The following PLEKHA5 variants were observed in gnomAD, a reference collection of about 807,000 sequenced individuals.
The protein encoded by PLEKHA5 is pleckstrin homology domain-containing family A member 5.
In PLEKHA5, 55 loss-of-function variants were observed where a neutral mutation model predicts 181.9. That is an observed-to-expected ratio of 0.30 (90% CI 0.24 to 0.38). The LOEUF (loss-of-function observed/expected upper bound fraction) is 0.38. Among genes scored for constraint, PLEKHA5 ranks in the 10% least tolerant of loss-of-function variants. The pLI is 1.00. For missense variants in PLEKHA5, 1,432 were observed against 1,549.5 expected (o/e 0.92, Z 1.27); for synonymous variants, 535 against 529.4 (o/e 1.01, Z -0.15).
chr12:19,270,250 A>T (rs745764188), intron 10 of PLEKHA5, 45 bp downstream of exon 10: 3 of 1,044,212 alleles, frequency 2.9e-6, no homozygotes, highest in Non-Finnish European at 4.0e-6. Flanking sequence ...ACAGATTTTT[A>T]TCCTTTGAGA....
At position 19,291,684 on chromosome 12, in the gene PLEKHA5, A is replaced by G; in HGVS notation, c.2024A>G (p.Tyr675Cys). The G allele has an allele frequency of 6.6e-7, 1 of 1,508,136 alleles. No homozygotes were observed. The highest frequency in any genetic ancestry group is 1.2e-5 in the South Asian group (1 of 82,694). 93.4% of individuals were successfully genotyped at this position (1,508,136 alleles called of 1,614,324 possible). Reference sequence around the variant, plus strand: ...CATCATCTCCAAAGGAACACCATATATTTGGATCATCAGGTGGGATTCATA... The same window carrying G: ...CATCATCTCCAAAGGAACACCATATGTTTGGATCATCAGGTGGGATTCATA... ...LSHHLQRNTI[Y>C]LDHQMKENEP... Residue 675 changes from tyrosine to cysteine, a missense_variant, in exon 15 of 32, where the codon TAT (tyrosine) becomes TGT (cysteine). Tyr to Cys is a radical substitution (Grantham distance 194). This residue lies in a region of PLEKHA5 where 1,143 missense variants were observed against 1,168.4 expected (regional missense o/e 0.98). Transcript: ENST00000429027.
intron 15 of PLEKHA5, among the ~76,000 whole-genome samples, chr12:19,297,619 G>A (rs1309682065): frequency 1.4e-5 from 2 of 138,048 alleles, no homozygotes; most frequent in Admixed American, 7.4e-5. Context: ...ACAGAGCGAG[G>A]CTCCGTCTCA....
At chr12:19,247,971 T>C (rs1407607215) in intron 3 of PLEKHA5, among the ~76,000 whole-genome samples, 1 of 151,708 alleles carries the variant, frequency 6.6e-6, no homozygotes, top group Non-Finnish European at 1.5e-5. Context: ...CTTGCTCTGC[T>C]GCCCAGGCTG....
chr12:19,194,151 T>C (rs958719941), intron 3 of PLEKHA5, among the ~76,000 whole-genome samples: 1 of 152,236 alleles, frequency 6.6e-6, no homozygotes, highest in South Asian at 2.1e-4. Context: ...TCTGCTTCCA[T>C]GTGTACACGT....
chr12:19,256,234 C>T (rs373702874), intron 5 of PLEKHA5, among the ~76,000 whole-genome samples: 4 of 152,246 alleles, frequency 2.6e-5, no homozygotes, highest in South Asian at 2.1e-4. Context: ...ACCATTTCCA[C>T]CTGCAGATTT....
chr12:19,158,347 C>T (rs1001587783), intron 3 of PLEKHA5, among the ~76,000 whole-genome samples: 3 of 150,892 alleles, frequency 2.0e-5, no homozygotes, highest in African/African-American at 2.4e-5. Context: ...AGTGAGACTC[C>T]GACTCAAAAA....
intron 3 of PLEKHA5, chr12:19,207,877 A>G (rs549740271): frequency 6.6e-6 from 1 of 152,328 alleles, no homozygotes; most frequent in Non-Finnish European, 1.5e-5. Context: ...AATGAGAAGT[A>G]AAATGTATAA....
intron 30 of PLEKHA5, among the ~76,000 whole-genome samples, chr12:19,369,001 A>T (rs1301308337): frequency 1.3e-5 from 2 of 151,928 alleles, no homozygotes; most frequent in Non-Finnish European, 2.9e-5. Context: ...GAAAAAAAAA[A>T]TGTAAAGTAT....
At chr12:19,187,465 G>C (rs1394782208) in intron 3 of PLEKHA5, among the ~76,000 whole-genome samples, 1 of 152,160 alleles carries the variant, frequency 6.6e-6, no homozygotes, top group South Asian at 2.1e-4. Flanking sequence ...TCTGGGGCTA[G>C]AGGAACTGTT....
intron 8 of PLEKHA5, 150 bp from the exon 9 acceptor site, chr12:19,269,620 G>T: frequency 4.2e-6 from 2 of 476,848 alleles, no homozygotes; most frequent in African/African-American, 2.0e-5. Context: ...ATTTTTTCTT[G>T]ATTCATTTCC....
chr12:19,305,861 C>CAAAAAAAAAAAAAAAAAAAAAAAA lies in PLEKHA5; in HGVS notation c.2038-8930_2038-8929insAAAAAAAAAAAAAAAAAAAAAAAA, dbSNP rs376068601. Among the ~76,000 whole-genome samples, 2 of 37,890 alleles carry CAAAAAAAAAAAAAAAAAAAAAAAA rather than the reference C, an allele frequency of 5.3e-5. 1 individual carries two copies. Among genetic ancestry groups the CAAAAAAAAAAAAAAAAAAAAAAAA allele is most frequent in the Non-Finnish European group, 1.0e-4 (2 of 19,474 alleles). The allele number at this position is 37,890 out of a possible 152,430, so 24.9% of individuals were successfully genotyped here. On this transcript the variant is annotated intron_variant, in intron 15 of 31. Coordinates refer to ENST00000429027, the MANE Select transcript of PLEKHA5 (RefSeq NM_001256470.2). ...GGGCAACAACAGCAAAACTCCATCT[C>CAAAAAAAAAAAAAAAAAAAAAAAA]AAAAAAAAAAAAAAAAAAAAAAACA...
chr12:19,336,728 TGA>T, intron 21 of PLEKHA5, 112 bp downstream of exon 21: 1 of 618,018 alleles, frequency 1.6e-6, no homozygotes, highest in South Asian at 1.8e-5. Context: ...ATTGGCTACC[TGA>T]GACCTGGATT....
At chr12:19,177,581 G>A (rs918007375) in intron 3 of PLEKHA5, among the ~76,000 whole-genome samples, 2 of 152,164 alleles carry the variant, frequency 1.3e-5, no homozygotes, top group South Asian at 4.1e-4. Flanking sequence ...TGTCCTTCGG[G>A]AAGAAGTTTT....
chr12:19,148,813 C>A (rs1191342764), intron 3 of PLEKHA5, among the ~76,000 whole-genome samples: 1 of 152,156 alleles, frequency 6.6e-6, no homozygotes, highest in African/African-American at 2.4e-5. Context: ...AGGAAATCAG[C>A]TAGTTATTTT....
At chr12:19,246,976 C>A (rs1294113340) in intron 3 of PLEKHA5, among the ~76,000 whole-genome samples, 1 of 151,672 alleles carries the variant, frequency 6.6e-6, no homozygotes, top group Admixed American at 6.6e-5. Context: ...TTTCTAATTG[C>A]CTATTTTTAT....
At chr12:19,343,585 TAC>T in intron 22 of PLEKHA5, 151 bp downstream of exon 22, 1 of 638,378 alleles carries the variant, frequency 1.6e-6, no homozygotes, top group Non-Finnish European at 2.9e-6. Context: ...TATGGCCTAC[TAC>T]ACACCTAGGC....
chr12:19,359,701 C>T (rs539511370), intron 28 of PLEKHA5, among the ~76,000 whole-genome samples, 155 bp downstream of exon 28: 23 of 152,162 alleles, frequency 1.5e-4, no homozygotes, highest in African/African-American at 5.3e-4. Context: ...CGGTGGCTCA[C>T]GTCTGTAATC....
chr12:19,355,755 T>C (rs35103325), intron 26 of PLEKHA5, among the ~76,000 whole-genome samples: 12,305 of 152,152 alleles, frequency 0.081, 574 homozygotes, highest in African/African-American at 0.12. Context: ...GATTCTGTAA[T>C]ACTATTGTTT....
chr12:19,279,131 TAA>T (rs1012797405), intron 11 of PLEKHA5, among the ~76,000 whole-genome samples: 5 of 152,210 alleles, frequency 3.3e-5, no homozygotes, highest in African/African-American at 1.2e-4. Context: ...TCTGGTGCGA[TAA>T]GATTATATCC....
Sources: allele counts gnomAD v4.1 joint callset (sites outside exome capture counted in the v4.1 genomes callset), GRCh38; gene constraint gnomAD v4.1.1; regional missense constraint gnomAD v4.1.1; transcripts MANE v1.5; gene names NCBI Gene and HGNC (gene_info 2026-07-23, HGNC 2026-07-21).